Variants in TNKS2 observed in about 807,000 individuals in gnomAD.
The protein encoded by TNKS2 is poly [ADP-ribose] polymerase tankyrase-2.
TNKS2 carries 72 observed loss-of-function variants against 137.6 expected under a neutral mutation model. The observed-to-expected ratio is 0.52, with a 90% CI of 0.43 to 0.64. The LOEUF (loss-of-function observed/expected upper bound fraction) is 0.64. TNKS2 is among the 30% of genes least tolerant of loss of function. The pLI, the probability that TNKS2 is intolerant of heterozygous loss-of-function variation, is 0.00. For synonymous variants in TNKS2, 516 were observed against 512.1 expected (o/e 1.01, Z -0.10); for missense variants, 1,049 against 1,410.2 (o/e 0.74, Z 4.10).
In TNKS2 at chr10:91,845,945, G is replaced by GTGA. The variant is rs1842358047; in HGVS notation, c.2358+8_2358+10dup. On this transcript the variant is annotated splice_donor_region_variant and intron_variant, in intron 18 of 26. Transcript: ENST00000371627. Reference sequence around the variant, plus strand: ...ACACCTTTAGATTTAGTTTCAGTAAGTGATGGGCTTTTTGAAAAATCTCAG... The same window carrying GTGA: ...ACACCTTTAGATTTAGTTTCAGTAAGTGATGATGGGCTTTTTGAAAAATCTCAG... 1 of 1,510,834 alleles carries GTGA rather than the reference G, an allele frequency of 6.6e-7. No homozygotes were observed. Among genetic ancestry groups the GTGA allele is most frequent in the East Asian group, 2.3e-5 (1 of 43,110 alleles). The allele number at this position is 1,510,834 out of a possible 1,614,324, so 93.6% of individuals were successfully genotyped here. A position where few individuals can be genotyped will look rare whatever the true frequency, so the allele number is the denominator to read the frequency against.
intron 7 of TNKS2, among the ~76,000 whole-genome samples, chr10:91,826,706 G>A (rs1773903693): frequency 6.6e-6 from 1 of 152,148 alleles, no homozygotes; most frequent in African/African-American, 2.4e-5. Context: ...AAAGTTGTAT[G>A]TTTCACTGTA....
At chr10:91,809,264 TG>T (rs2133593418) in intron 1 of TNKS2, among the ~76,000 whole-genome samples, 1 of 152,260 alleles carries the variant, frequency 6.6e-6, no homozygotes, top group East Asian at 1.9e-4. Flanking sequence ...ACTGGGAAGC[TG>T]GGAATAGGGG....
chr10:91,805,739 G>A (rs572408689), intron 1 of TNKS2, among the ~76,000 whole-genome samples: 1 of 152,292 alleles, frequency 6.6e-6, no homozygotes, highest in South Asian at 2.1e-4. Context: ...AAATGCTTGG[G>A]TACATCAAAT....
In TNKS2 at chr10:91,848,532, T is replaced by G. The variant is rs771252218; in HGVS notation, c.2508T>G (p.Ser836=). ...SSGPSSPSSL[S]AASSLDNLSG... ...GTCCATCTAGCCCATCAAGCCTTTC[T>G]GCAGCCAGCAGTCTTGACAACTTAT... Residue 836 remains serine, a synonymous_variant, in exon 19 of 27, where the codon TCT becomes TCG. Transcript: ENST00000371627. 1 of 1,614,204 alleles carries G rather than the reference T, an allele frequency of 6.2e-7. No homozygotes were observed. The highest frequency in any genetic ancestry group is 8.5e-7 in the Non-Finnish European group (1 of 1,180,048).
chr10:91,849,423 A>T, intron 19 of TNKS2, 89 bp from the exon 20 acceptor site: 1 of 938,928 alleles, frequency 1.1e-6, no homozygotes, highest in Non-Finnish European at 1.6e-6. Flanking sequence ...CTTCATATAT[A>T]GTAACATTAC....
intron 12 of TNKS2, among the ~76,000 whole-genome samples, chr10:91,835,297 C>CT (rs1189682250): frequency 6.8e-5 from 8 of 117,970 alleles, no homozygotes; most frequent in Non-Finnish European, 9.2e-5. Flanking sequence ...TTTTTTTTTT[C>CT]TTTTTTTTTC....
Position 91,822,282 on chromosome 10 carries a change from C to A in TNKS2, c.729-14C>A, listed in dbSNP as rs368300108. The A allele has an allele frequency of 2.5e-6, 4 of 1,599,286 alleles. No individual in the cohort carries two copies. The highest frequency in any genetic ancestry group is 2.2e-5 in the East Asian group (1 of 44,524). Reference sequence around the variant, plus strand: ...CTATACTGAAACAGGATTTTCCCCCCCTTCTCATTGTAGTGATCTGGTACC... The same window carrying A: ...CTATACTGAAACAGGATTTTCCCCCACTTCTCATTGTAGTGATCTGGTACC... On this transcript the variant is annotated splice_polypyrimidine_tract_variant and intron_variant, in intron 6 of 26. Transcript: ENST00000371627.
Position 91,827,151 on chromosome 10 carries a change from T to C in TNKS2, c.930T>C (p.Asn310=). 1 of 1,603,594 alleles carries C rather than the reference T, an allele frequency of 6.2e-7. No homozygotes were observed. Among genetic ancestry groups the C allele is most frequent in the Non-Finnish European group, 8.5e-7 (1 of 1,174,574 alleles). ...ACCCAACACTGCTCAATTGTCACAA[T>C]AAAAGTGCTATAGACTTGGCTCCCA... ...GADPTLLNCH[N]KSAIDLAPTP... is the part of the protein sequence containing the mutation. The change falls in exon 8 of 27, where the codon AAT becomes AAC. Residue 310 remains asparagine (N), a synonymous_variant. Coordinates refer to ENST00000371627, the MANE Select transcript of TNKS2 (RefSeq NM_025235.4).
Position 91,845,922 on chromosome 10 carries a change from A to G in TNKS2, c.2340A>G (p.Thr780=). ...CTCTTAAAAATCAGGAAGGACAAAC[A>G]CCTTTAGATTTAGTTTCAGTAAGTG... ...DPTLKNQEGQ[T]PLDLVSADDV... is the part of the protein sequence containing the mutation. The change falls in exon 18 of 27, where the codon ACA becomes ACG. Residue 780 remains threonine (T), a synonymous_variant. Coordinates refer to ENST00000371627, the MANE Select transcript of TNKS2 (RefSeq NM_025235.4). The G allele has an allele frequency of 6.4e-7, 1 of 1,553,048 alleles. No homozygotes were observed. The highest frequency in any genetic ancestry group is 8.8e-7 in the Non-Finnish European group (1 of 1,139,364).
At chr10:91,845,130 GAAGT>G (rs2133660114) in intron 17 of TNKS2, 102 bp downstream of exon 17, 1 of 775,562 alleles carries the variant, frequency 1.3e-6, no homozygotes, top group South Asian at 1.6e-5. Context: ...ATTTTACAGA[GAAGT>G]AAGTGGCAGA....
chr10:91,807,716 C>T (rs1296562286), intron 1 of TNKS2, among the ~76,000 whole-genome samples: 3 of 152,112 alleles, frequency 2.0e-5, no homozygotes, highest in Non-Finnish European at 2.9e-5. Context: ...TAGAAAATGC[C>T]GGGCGCAGTG....
intron 1 of TNKS2, among the ~76,000 whole-genome samples, chr10:91,808,837 T>A (rs1453455670): frequency 6.6e-6 from 1 of 152,086 alleles, no homozygotes; most frequent in Non-Finnish European, 1.5e-5. Context: ...TATTTAGAAA[T>A]TAGGTAGAGG....
intron 1 of TNKS2, among the ~76,000 whole-genome samples, chr10:91,799,796 C>A (rs1362791886): frequency 3.3e-5 from 5 of 152,132 alleles, no homozygotes; most frequent in Non-Finnish European, 1.5e-5. Flanking sequence ...GTGAGTCATG[C>A]GTGATTGAAA....
intron 9 of TNKS2, among the ~76,000 whole-genome samples, chr10:91,828,809 T>C (rs988227749): frequency 2.6e-5 from 4 of 152,188 alleles, no homozygotes; most frequent in African/African-American, 9.6e-5. Flanking sequence ...GTGTAGTCCC[T>C]TCCTTCTTCA....
chr10:91,834,284 A>C (rs1307697889), intron 12 of TNKS2, among the ~76,000 whole-genome samples: 1 of 152,166 alleles, frequency 6.6e-6, no homozygotes, highest in Non-Finnish European at 1.5e-5. Flanking sequence ...TTATCGAGAA[A>C]GTTTTGAGAG....
chr10:91,810,908 CTCTTT>C (rs1207471217), intron 1 of TNKS2, among the ~76,000 whole-genome samples: 1,702 of 56,200 alleles, frequency 0.03, 131 homozygotes, highest in African/African-American at 0.097. Context: ...TTTTCTTTCT[CTCTTT>C]TCTTTTCTTT....
At chr10:91,831,055 C>G in intron 10 of TNKS2, 41 bp downstream of exon 10, 2 of 1,612,648 alleles carry the variant, frequency 1.2e-6, no homozygotes, top group Non-Finnish European at 1.7e-6. Flanking sequence ...TGAGATTTTA[C>G]TCTTTTGGAA....
In TNKS2 at chr10:91,848,460, C is replaced by T; in HGVS notation, c.2436C>T (p.Leu812=). The change falls in exon 19 of 27, where the codon CTC becomes CTT. Residue 812 remains leucine (L), a synonymous_variant. Coordinates refer to ENST00000371627, the MANE Select transcript of TNKS2 (RefSeq NM_025235.4). ...CCTCTTGTTACAAGCCTCAAGTGCT[C>T]AATGGTGTGAGAAGCCCAGGAGCCA... ...ALPSCYKPQV[L]NGVRSPGATA... 6.2e-7 allele frequency: 1 copy of T among 1,614,186 alleles called. No individual in the cohort carries two copies. The highest frequency in any genetic ancestry group is 8.5e-7 in the Non-Finnish European group (1 of 1,180,022).
chr10:91,857,677 T>C, intron 24 of TNKS2, 147 bp downstream of exon 24: 1 of 428,234 alleles, frequency 2.3e-6, no homozygotes, highest in Non-Finnish European at 4.1e-6. Flanking sequence ...ACATTTATAT[T>C]TTCAACTTCT....
Sources: gnomAD v4.1 joint callset for allele counts (sites outside exome capture counted in the v4.1 genomes callset) on GRCh38, gnomAD v4.1.1 for gene constraint, MANE v1.5 for transcripts, NCBI Gene and HGNC (gene_info 2026-07-23, HGNC 2026-07-21) for gene names.